The following GRK5 variants were observed in gnomAD, a reference collection of about 807,000 sequenced individuals.
GRK5 encodes the protein g protein-coupled receptor kinase GRK5.
In GRK5, 40 loss-of-function variants were observed where a neutral mutation model predicts 78.4. The ratio of observed to expected loss-of-function variants is 0.51; its 90% CI spans 0.40 to 0.66. The LOEUF is 0.66. GRK5 is among the 30% of genes least tolerant of loss of function. The pLI, the probability that GRK5 is intolerant of heterozygous loss-of-function variation, is 0.00. For synonymous variants in GRK5, 289 were observed against 296.8 expected, an observed-to-expected ratio of 0.97 and a Z score of 0.27; for missense variants, 598 against 759.9, an observed-to-expected ratio of 0.79 and a Z score of 2.50.
intron 1 of GRK5, among the ~76,000 whole-genome samples, chr10:119,305,605 C>G (rs1422511332): frequency 6.6e-6 from 1 of 152,052 alleles, no homozygotes; most frequent in African/African-American, 2.4e-5. Flanking sequence ...TGGGGATGAT[C>G]AGGGAAGGAC....
intron 1 of GRK5, among the ~76,000 whole-genome samples, chr10:119,304,951 A>C: frequency 6.8e-6 from 1 of 147,874 alleles, no homozygotes; most frequent in Non-Finnish European, 1.5e-5. Flanking sequence ...CTTCTTCCCT[A>C]CCTGTTTTTC....
chr10:119,333,747 T>C (rs760194273), intron 2 of GRK5: 4 of 531,768 alleles, frequency 7.5e-6, no homozygotes, highest in Non-Finnish European at 1.5e-5. Flanking sequence ...TAGTGAGCAC[T>C]GAAAACATGC....
At chr10:119,388,393 G>A (rs1161190932) in intron 3 of GRK5, among the ~76,000 whole-genome samples, 1 of 152,242 alleles carries the variant, frequency 6.6e-6, no homozygotes, top group Non-Finnish European at 1.5e-5. Context: ...CTGCAGTACA[G>A]TGGTGTGACC....
rs762125001 is a variant in GRK5 at position 119,436,792 on chromosome 10, G to C, written c.880G>C (p.Glu294Gln). Residue 294 changes from glutamate (E) to glutamine (Q), a missense_variant, in exon 9 of 16, where the codon GAG (glutamate) becomes CAG (glutamine). Glu to Gln is a conservative substitution (Grantham distance 29, BLOSUM62 2). Transcript: ENST00000392870. ...GGAGCGGGCCTTGTTTTATGCGGCA[G>C]AGATCCTCTGCGGCTTAGAAGACCT... The part of the protein sequence containing the change: ...EEERALFYAA[E>Q]ILCGLEDLHR... The C allele has an allele frequency of 1.7e-5, 27 of 1,613,750 alleles. No individual in the cohort carries two copies. The Admixed American group carries it at 3.0e-4, about 18-fold the overall frequency.
chr10:119,277,655 A>G lies in GRK5; in HGVS notation c.53-48861A>G, dbSNP rs1849691617. 2.0e-5 allele frequency among the ~76,000 whole-genome samples: 3 copies of G among 151,882 alleles called. No homozygotes were observed. The South Asian group carries it at 6.2e-4, about 31-fold the overall frequency. On this transcript the variant is annotated intron_variant, in intron 1 of 15. Coordinates refer to ENST00000392870, the MANE Select transcript of GRK5 (RefSeq NM_005308.3). ...TATATCCATACCCGTGTGAATCTAC[A>G]TACCACAAACAAGTTATCCATCACT...
chr10:119,270,843 T>C (rs1849571569), intron 1 of GRK5, among the ~76,000 whole-genome samples: 1 of 152,238 alleles, frequency 6.6e-6, no homozygotes, highest in African/African-American at 2.4e-5. Flanking sequence ...CTTGGCACGT[T>C]AGTGCAAAGG....
chr10:119,329,857 C>CTTTTTT (rs1177940254), intron 2 of GRK5, among the ~76,000 whole-genome samples: 6 of 110,376 alleles, frequency 5.4e-5, no homozygotes, highest in East Asian at 3.1e-4. Context: ...CAGACACCTA[C>CTTTTTT]TTTTTTTTTT....
chr10:119,217,188 G>T lies in GRK5; in HGVS notation c.52+9219G>T, dbSNP rs1049278587. ...ATTGTGGAAGAGAAAGAGTGTCTTT[G>T]TCAGATTCCCTGGGAAAAGGGGCAA... is the stretch of plus-strand genomic sequence containing the variant. On this transcript the variant is annotated intron_variant, in intron 1 of 15. Coordinates refer to ENST00000392870, the MANE Select transcript of GRK5 (RefSeq NM_005308.3). The surrounding 1 kb of genome is among the most constrained non-coding windows in gnomAD (Gnocchi z 4.1). Among the ~76,000 whole-genome samples, 1 of 152,138 alleles carries T rather than the reference G, an allele frequency of 6.6e-6. No homozygotes were observed. The highest frequency in any genetic ancestry group is 1.5e-5 in the Non-Finnish European group (1 of 68,026).
At chr10:119,449,441 A>G (rs951535564) in intron 13 of GRK5, among the ~76,000 whole-genome samples, 4 of 152,198 alleles carry the variant, frequency 2.6e-5, no homozygotes, top group African/African-American at 9.6e-5. Context: ...CCGTCTGGCC[A>G]GGGATGGCAT....
At chr10:119,277,770 G>C (rs149426906) in intron 1 of GRK5, among the ~76,000 whole-genome samples, 78 of 152,204 alleles carry the variant, frequency 5.1e-4, no homozygotes, top group African/African-American at 1.8e-3. Flanking sequence ...CTTGCTTTCT[G>C]TCGCTCTGGA....
chr10:119,351,609 G>C (rs1299592986), intron 2 of GRK5, among the ~76,000 whole-genome samples: 1 of 152,058 alleles, frequency 6.6e-6, no homozygotes, highest in Non-Finnish European at 1.5e-5. Flanking sequence ...CCCAGTCTCG[G>C]GTATGTCTTT....
intron 1 of GRK5, among the ~76,000 whole-genome samples, chr10:119,261,026 G>A: frequency 6.8e-6 from 1 of 146,554 alleles, no homozygotes; most frequent in East Asian, 2.1e-4. Flanking sequence ...CGGCTGGCCG[G>A]GCAGGGGGCT....
At chr10:119,291,647 C>T (rs550145614) in intron 1 of GRK5, among the ~76,000 whole-genome samples, 6 of 150,140 alleles carry the variant, frequency 4.0e-5, no homozygotes, top group Non-Finnish European at 7.4e-5. Context: ...TCTTCTTCCT[C>T]CTCCTCTTCC....
intron 3 of GRK5, 44 bp downstream of exon 3, chr10:119,380,971 T>G: frequency 8.3e-7 from 1 of 1,211,724 alleles, no homozygotes; most frequent in Non-Finnish European, 1.2e-6. Context: ...TCCTCTGTGA[T>G]CAGTGATTGT....
At position 119,411,576 on chromosome 10, in the gene GRK5, A is replaced by G. The variant is rs376686441; in HGVS notation, c.340-11590A>G. ...TAACTTGCTGAGCATGCTTTTTAAG[A>G]AAAAGAATAGGAGGTTAGGTACAAA... On this transcript the variant is annotated intron_variant, in intron 4 of 15. Coordinates refer to ENST00000392870, the MANE Select transcript of GRK5 (RefSeq NM_005308.3). 2.2e-3 allele frequency among the ~76,000 whole-genome samples: 335 copies of G among 152,314 alleles called. 10 individuals are homozygous for G. In the South Asian group the frequency reaches 0.058, roughly 26 times the overall value.
At chr10:119,416,860 C>G (rs1007338666) in intron 4 of GRK5, among the ~76,000 whole-genome samples, 1 of 152,350 alleles carries the variant, frequency 6.6e-6, no homozygotes, top group Admixed American at 6.5e-5. Context: ...TGCCGAAGTG[C>G]TAGGATTACA....
At chr10:119,446,052 A>G (rs1853142271) in intron 12 of GRK5, among the ~76,000 whole-genome samples, 1 of 151,112 alleles carries the variant, frequency 6.6e-6, no homozygotes, top group African/African-American at 2.4e-5. Context: ...GCCCCCCTCC[A>G]GCTCCCTCTT....
intron 1 of GRK5, among the ~76,000 whole-genome samples, chr10:119,274,911 A>T (rs1849643562): frequency 6.6e-6 from 1 of 152,136 alleles, no homozygotes; most frequent in Admixed American, 6.5e-5. Context: ...GCAAACAAAG[A>T]CCCTTTTAGT....
chr10:119,346,900 G>C (rs777268634), intron 2 of GRK5, among the ~76,000 whole-genome samples: 1 of 152,238 alleles, frequency 6.6e-6, no homozygotes, highest in Non-Finnish European at 1.5e-5. Flanking sequence ...GGCCCGTGTG[G>C]AGGGTATTGC....
Sources: gnomAD v4.1 joint callset for allele counts (sites outside exome capture counted in the v4.1 genomes callset) on GRCh38, gnomAD v4.1.1 for gene constraint, Gnocchi (gnomAD v3.1) non-coding constraint, MANE v1.5 for transcripts, NCBI Gene and HGNC (gene_info 2026-07-23, HGNC 2026-07-21) for gene names.